The following RTRAF variants were observed in gnomAD, a reference collection of about 807,000 sequenced individuals.
RTRAF encodes RNA transcription, translation and transport factor.
A neutral mutation model predicts 34.4 loss-of-function variants in RTRAF; 14 were observed. That is an observed-to-expected ratio of 0.41 (90% confidence interval 0.27 to 0.64). The LOEUF (loss-of-function observed/expected upper bound fraction) is 0.64. Among genes scored for constraint, RTRAF ranks in the 30% least tolerant of loss-of-function variants. The pLI is 0.34. For missense variants in RTRAF, 291 were observed against 288.4 expected (o/e 1.01, Z -0.06); for synonymous variants, 96 against 95.3 (o/e 1.01, Z -0.04).
At position 52,005,169 on chromosome 14, in the gene RTRAF, T is replaced by TAATTCTTAGTTGAATGA. The variant is rs1199226217; in HGVS notation, c.*655_*671dup. The TAATTCTTAGTTGAATGA allele has an allele frequency of 2.1e-5, 5 of 239,210 alleles. No individual in the cohort carries two copies. The highest frequency in any genetic ancestry group is 1.1e-4 in the African/African-American group (5 of 44,448). The allele number at this position is 239,210 out of a possible 1,614,324, so 14.8% of individuals were successfully genotyped here. ...AAATCAGGTTTAGAGTCTTAAACTCTAATTCTTAGTTGAATGAATTTGATC... is the reference window on the plus strand; with the variant it reads ...AAATCAGGTTTAGAGTCTTAAACTCTAATTCTTAGTTGAATGAAATTCTTAGTTGAATGAATTTGATC... On this transcript the variant is annotated 3_prime_UTR_variant, in exon 8 of 8. Transcript: ENST00000261700.
At position 52,004,856 on chromosome 14, in the gene RTRAF, T is replaced by C; in HGVS notation, c.*340T>C. On this transcript the variant is annotated 3_prime_UTR_variant, in exon 8 of 8. Coordinates refer to ENST00000261700, the MANE Select transcript of RTRAF (RefSeq NM_016039.3). ...AGTAATCTAGAAAATTTTAAAATTGTTACATCTTTGGTATTTATAAATGTG... is the reference window on the plus strand; with the variant it reads ...AGTAATCTAGAAAATTTTAAAATTGCTACATCTTTGGTATTTATAAATGTG... 1 of 184,084 alleles carries C rather than the reference T, an allele frequency of 5.4e-6. No homozygotes were observed. Among genetic ancestry groups the C allele is most frequent in the Non-Finnish European group, 1.1e-5 (1 of 89,800 alleles). The allele number at this position is 184,084 out of a possible 1,614,324, so 11.4% of individuals were successfully genotyped here. A position where few individuals can be genotyped will look rare whatever the true frequency, so the allele number is the denominator to read the frequency against.
At position 52,006,692 on chromosome 14, in the gene RTRAF, T is replaced by G. The variant is rs762598719; in HGVS notation, c.*2176T>G. ...AAACAAAGGGGGAAAATGAGGTCCT[T>G]CAGCTGCTTTGCCAAAAATGATAGT... is the stretch of plus-strand genomic sequence containing the variant. On this transcript the variant is annotated 3_prime_UTR_variant, in exon 8 of 8. Transcript: ENST00000261700. 1 of 1,611,024 alleles carries G rather than the reference T, an allele frequency of 6.2e-7. No individual in the cohort carries two copies. The highest frequency in any genetic ancestry group is 8.5e-7 in the Non-Finnish European group (1 of 1,177,904).
intron 6 of RTRAF, among the ~76,000 whole-genome samples, chr14:52,003,057 C>T (rs1890629011): frequency 6.6e-6 from 1 of 152,178 alleles, no homozygotes; most frequent in African/African-American, 2.4e-5. Context: ...TAAGTAAAGG[C>T]TTAGCCAAAT....
In RTRAF at chr14:52,006,015, C is replaced by T. The variant is rs1380112139; in HGVS notation, c.*1499C>T. The T allele has an allele frequency of 1.6e-6, 1 of 607,424 alleles. No individual in the cohort carries two copies. Among genetic ancestry groups the T allele is most frequent in the African/African-American group, 1.8e-5 (1 of 54,332 alleles). 37.6% of individuals were successfully genotyped at this position (607,424 alleles called of 1,614,324 possible). A position where few individuals can be genotyped will look rare whatever the true frequency, so the allele number is the denominator to read the frequency against. On this transcript the variant is annotated 3_prime_UTR_variant, in exon 8 of 8. Transcript: ENST00000261700. ...AAGTTTGAAGACCATTGCTCTAAATCCATTGCTCATCTCTAGCTGCATGTT... is the reference window on the plus strand; with the variant it reads ...AAGTTTGAAGACCATTGCTCTAAATTCATTGCTCATCTCTAGCTGCATGTT...
chr14:52,010,537 CCAGTTT>C lies in RTRAF; in HGVS notation c.*6022_*6027del, dbSNP rs1454979998. 2 of 180,844 alleles carry C rather than the reference CCAGTTT, an allele frequency of 1.1e-5. No homozygotes were observed. Among genetic ancestry groups the C allele is most frequent in the South Asian group, 1.4e-4 (1 of 6,934 alleles). 11.2% of individuals were successfully genotyped at this position (180,844 alleles called of 1,614,324 possible). A position where few individuals can be genotyped will look rare whatever the true frequency, so the allele number is the denominator to read the frequency against. ...CTGCTGGAGGAATCCCACTTCACTT[CCAGTTT>C]AAGTGTCAGCTGAGGCCTCGCCTGA... On this transcript the variant is annotated 3_prime_UTR_variant, in exon 8 of 8. Transcript: ENST00000261700.
chr14:52,003,802 A>G (rs1185105631), intron 6 of RTRAF, among the ~76,000 whole-genome samples: 1 of 151,696 alleles, frequency 6.6e-6, no homozygotes, highest in African/African-American at 2.4e-5. Flanking sequence ...GAAATGGAAT[A>G]TAAGGTACTA....
At position 52,004,475 on chromosome 14, in the gene RTRAF, G is replaced by T. The variant is rs768132482; in HGVS notation, c.694G>T (p.Asp232Tyr). The change falls in exon 8 of 8, where the codon GAT (aspartate) becomes TAT (tyrosine). Residue 232 changes from aspartate (D) to tyrosine (Y), a missense_variant. Physicochemically the swap from Asp to Tyr is radical, Grantham distance 160. Coordinates refer to ENST00000261700, the MANE Select transcript of RTRAF (RefSeq NM_016039.3). ...AGTAGCTGTTCAGGCAATTATTGCT[G>T]ATCCAAAGACAGACCACAGACTGGG... ...AIVAVQAIIA[D>Y]PKTDHRLGKV... is the part of the protein sequence containing the mutation. The T allele has an allele frequency of 7.4e-6, 12 of 1,613,782 alleles. No homozygotes were observed. The highest frequency in any genetic ancestry group is 1.7e-5 in the Admixed American group (1 of 59,976).
chr14:52,001,923 G>T, intron 6 of RTRAF, 57 bp downstream of exon 6: 1 of 1,404,534 alleles, frequency 7.1e-7, no homozygotes, highest in Non-Finnish European at 9.9e-7. Context: ...TGGTATGGCC[G>T]TGATTTTAAA....
Position 51,992,384 on chromosome 14 carries a change from CATT to C in RTRAF, c.186+944_186+946del, listed in dbSNP as rs370818596. 6.3e-3 allele frequency among the ~76,000 whole-genome samples: 964 copies of C among 152,252 alleles called. 8 individuals are homozygous for C. The highest frequency in any genetic ancestry group is 0.022 in the African/African-American group (926 of 41,540). ...AAATTAGGGATTGTATAAATTACAT[CATT>C]GTTATTAACCTTTCCGTGTCTCAAT... On this transcript the variant is annotated intron_variant, in intron 2 of 7. Coordinates refer to ENST00000261700, the MANE Select transcript of RTRAF (RefSeq NM_016039.3).
intron 3 of RTRAF, 96 bp downstream of exon 3, chr14:51,993,918 A>G (rs893644118): frequency 3.0e-6 from 2 of 669,714 alleles, no homozygotes; most frequent in African/African-American, 1.9e-5. Flanking sequence ...TTTGTCTAGT[A>G]CTATTTTACC....
In RTRAF at chr14:51,999,664, G is replaced by A. The variant is rs749836682; in HGVS notation, c.374-44G>A. 28 of 1,307,628 alleles carry A rather than the reference G, an allele frequency of 2.1e-5. No homozygotes were observed. The South Asian group carries it at 2.4e-4, about 11-fold the overall frequency. 81.0% of individuals were successfully genotyped at this position (1,307,628 alleles called of 1,614,324 possible). ...TTCACAAATATGTTTGTAATTATAC[G>A]TTTGCAGGGTTGTAAGTTTTTGTTT... On this transcript the variant is annotated intron_variant, in intron 4 of 7. Transcript: ENST00000261700.
At chr14:51,989,863 C>T (rs1890397619) in intron 1 of RTRAF, among the ~76,000 whole-genome samples, 163 bp downstream of exon 1, 1 of 152,254 alleles carries the variant, frequency 6.6e-6, no homozygotes, top group Admixed American at 6.5e-5. Context: ...CGGCTCTTCG[C>T]CGCCCCTTCC....
At position 52,009,070 on chromosome 14, in the gene RTRAF, A is replaced by C. The variant is rs1039393770; in HGVS notation, c.*4554A>C. ...ATAAAAGCTATAGAAGCTTTGAATA[A>C]ATCAGTTGGGCTACAGAGAACCTCA... is the stretch of plus-strand genomic sequence containing the variant. On this transcript the variant is annotated 3_prime_UTR_variant, in exon 8 of 8. Transcript: ENST00000261700. The C allele has an allele frequency of 6.6e-6, 1 of 152,214 alleles. No homozygotes were observed. The highest frequency in any genetic ancestry group is 2.4e-5 in the African/African-American group (1 of 41,442). The allele number at this position is 152,214 out of a possible 1,614,324, so 9.4% of individuals were successfully genotyped here.
chr14:51,994,498 A>G (rs561279406), intron 3 of RTRAF, among the ~76,000 whole-genome samples: 1 of 152,060 alleles, frequency 6.6e-6, no homozygotes, highest in Non-Finnish European at 1.5e-5. Context: ...ACCTACACTG[A>G]CTTTTTCTCA....
At chr14:52,003,866 T>C in intron 6 of RTRAF, 1 of 264,284 alleles carries the variant, frequency 3.8e-6, no homozygotes, top group Non-Finnish European at 7.1e-6. Flanking sequence ...AGTAACAGCC[T>C]GGCTCAACTT....
chr14:52,003,016 C>A (rs151065252), intron 6 of RTRAF, among the ~76,000 whole-genome samples: 207 of 152,046 alleles, frequency 1.4e-3, no homozygotes, highest in African/African-American at 3.0e-3. Flanking sequence ...TCATTCATTC[C>A]TTCAGCAAAA....
At position 52,001,829 on chromosome 14, in the gene RTRAF, C is replaced by T. The variant is rs371515575; in HGVS notation, c.494C>T (p.Thr165Ile). The T allele has an allele frequency of 9.3e-6, 15 of 1,610,080 alleles. No homozygotes were observed. The highest frequency in any genetic ancestry group is 6.6e-5 in the South Asian group (6 of 90,506). ...CGGATTTTGGTTCAGGAGCGCCTGA[C>T]ACAGGATGCAGTTGCTAAGGCAAAT... ...AIRILVQERL[T>I]QDAVAKANQT... Residue 165 changes from threonine to isoleucine, a missense_variant, in exon 6 of 8, where the codon ACA (threonine) becomes ATA (isoleucine). Physicochemically the swap from Thr to Ile is moderately conservative, Grantham distance 89 (BLOSUM62 -1). Coordinates refer to ENST00000261700, the MANE Select transcript of RTRAF (RefSeq NM_016039.3).
chr14:52,004,584 G>GAAATCAAAATGTCACATTCT lies in RTRAF; in HGVS notation c.*69_*88dup. On this transcript the variant is annotated 3_prime_UTR_variant, in exon 8 of 8. Transcript: ENST00000261700. The stretch of plus-strand genomic sequence containing the variant: ...GAACCATACACTTCTGGCATGTTTG[G>GAAATCAAAATGTCACATTCT]AAATCAAAATGTCACATTCTCGGGG... The GAAATCAAAATGTCACATTCT allele has an allele frequency of 7.0e-7, 1 of 1,434,678 alleles. No individual in the cohort carries two copies. The highest frequency in any genetic ancestry group is 1.5e-5 in the South Asian group (1 of 67,818). 88.9% of individuals were successfully genotyped at this position (1,434,678 alleles called of 1,614,324 possible).
At chr14:51,992,860 G>A (rs939620547) in intron 2 of RTRAF, among the ~76,000 whole-genome samples, 6 of 152,168 alleles carry the variant, frequency 3.9e-5, no homozygotes, top group Admixed American at 3.3e-4. Context: ...GCGAAACCCC[G>A]TCTCTACTAA....
Sources: gnomAD v4.1 joint callset for allele counts (sites outside exome capture counted in the v4.1 genomes callset) on GRCh38, gnomAD v4.1.1 for gene constraint, MANE v1.5 for transcripts, NCBI Gene and HGNC (gene_info 2026-07-23, HGNC 2026-07-21) for gene names.